PCDHGA4: variants seen among roughly 807,000 people sequenced by gnomAD.
PCDHGA4 encodes protocadherin gamma subfamily A, 4.
In PCDHGA4, 38 loss-of-function variants were observed where a neutral mutation model predicts 54.6. The ratio of observed to expected loss-of-function variants is 0.70; its 90% CI spans 0.54 to 0.91. PCDHGA4 has a LOEUF of 0.91. Among genes scored for constraint, PCDHGA4 ranks in the 40% least tolerant of loss-of-function variants. PCDHGA4 has a pLI of 0.00. For synonymous variants in PCDHGA4, 511 were observed against 512.9 expected, an observed-to-expected ratio of 1.00 and a Z score of 0.05; for missense variants, 1,298 against 1,220.9, an observed-to-expected ratio of 1.06 and a Z score of -0.94.
At chr5:141,364,276 T>C (rs1045557569) in intron 1 of PCDHGA4, 1 of 1,515,100 alleles carries the variant, frequency 6.6e-7, no homozygotes, top group Middle Eastern at 1.8e-4. Flanking sequence ...TTTAGATAAA[T>C]AAGGAAACAG....
chr5:141,388,572 G>A, intron 1 of PCDHGA4: 6 of 1,613,808 alleles, frequency 3.7e-6, no homozygotes, highest in South Asian at 2.2e-5. Flanking sequence ...ACAGATACAC[G>A]TTCTAGTGAC....
intron 1 of PCDHGA4, chr5:141,400,577 T>G: frequency 6.2e-7 from 1 of 1,611,914 alleles, no homozygotes; most frequent in East Asian, 2.2e-5. Flanking sequence ...TTTTCTGTAT[T>G]TACATGAAAC....
At chr5:141,418,878 A>G (rs1193526475) in intron 1 of PCDHGA4, 2 of 1,613,930 alleles carry the variant, frequency 1.2e-6, no homozygotes, top group Non-Finnish European at 8.5e-7. Context: ...GTTGTAGACG[A>G]AAACGACAAC....
chr5:141,401,189 A>G (rs2094126174), intron 1 of PCDHGA4, among the ~76,000 whole-genome samples: 1 of 152,144 alleles, frequency 6.6e-6, no homozygotes, highest in South Asian at 2.1e-4. Context: ...TAAAAATACA[A>G]AAATTAGCTG....
intron 1 of PCDHGA4, among the ~76,000 whole-genome samples, chr5:141,405,955 C>T (rs116457023): frequency 0.015 from 2,244 of 152,168 alleles, 22 homozygotes; most frequent in Admixed American, 0.035. Flanking sequence ...TAATAATTAA[C>T]CTGCTGTCAA....
At chr5:141,423,313 G>A (rs1407028245) in intron 1 of PCDHGA4, 3 of 1,614,184 alleles carry the variant, frequency 1.9e-6, no homozygotes, top group Non-Finnish European at 1.7e-6. Context: ...GTACTTGGTG[G>A]TGGCGGTGGC....
Position 141,427,844 on chromosome 5 carries a change from C to A in PCDHGA4, c.2515-66963C>A, listed in dbSNP as rs997069058. 6.5e-6 allele frequency: 10 copies of A among 1,550,194 alleles called. No homozygotes were observed. In the East Asian group the frequency reaches 2.2e-4, roughly 35 times the overall value. On this transcript the variant is annotated intron_variant, in intron 1 of 3. Transcript: ENST00000571252. ...TGGTCGCGCAGCGTGCCTTCGACCA[C>A]GAGCAGCTGTGCGCCTTCGAGCTCA...
intron 1 of PCDHGA4, chr5:141,375,342 T>C: frequency 6.2e-7 from 1 of 1,613,798 alleles, no homozygotes; most frequent in Non-Finnish European, 8.5e-7. Flanking sequence ...TTGTACAACA[T>C]CACTGTGACA....
intron 1 of PCDHGA4, among the ~76,000 whole-genome samples, chr5:141,448,422 T>C (rs1561930551): frequency 3.9e-5 from 6 of 152,150 alleles, no homozygotes; most frequent in Admixed American, 3.3e-4. Flanking sequence ...CAATATACTA[T>C]GTATATATTG....
chr5:141,384,768 G>C (rs1046016115), intron 1 of PCDHGA4: 4 of 1,613,804 alleles, frequency 2.5e-6, no homozygotes, highest in Non-Finnish European at 3.4e-6. Context: ...GGCTGTACAC[G>C]GGCGAGGTGC....
intron 1 of PCDHGA4, among the ~76,000 whole-genome samples, chr5:141,460,251 A>G (rs2098984972): frequency 6.6e-6 from 1 of 152,114 alleles, no homozygotes; most frequent in Admixed American, 6.6e-5. Context: ...TAATTTTGAT[A>G]AAGCCCAATT....
intron 1 of PCDHGA4, among the ~76,000 whole-genome samples, chr5:141,364,051 A>G (rs1322889725): frequency 6.6e-6 from 1 of 152,262 alleles, no homozygotes; most frequent in African/African-American, 2.4e-5. Flanking sequence ...ATTATTAGAA[A>G]TAAAATTATA....
intron 1 of PCDHGA4, among the ~76,000 whole-genome samples, chr5:141,457,124 ACT>A (rs1304231701): frequency 6.6e-6 from 1 of 152,158 alleles, no homozygotes; most frequent in Non-Finnish European, 1.5e-5. Context: ...AGCAATGGAA[ACT>A]CTGTCCAATA....
chr5:141,485,500 C>T lies in PCDHGA4; in HGVS notation c.2515-9307C>T. 1 of 1,614,142 alleles carries T rather than the reference C, an allele frequency of 6.2e-7. No homozygotes were observed. The highest frequency in any genetic ancestry group is 8.5e-7 in the Non-Finnish European group (1 of 1,180,038). ...GCTGCATCGTGCCCCTGGAGTTTGT[C>T]ACCGAAGGTCCTTTGGAAATGTACC... On this transcript the variant is annotated intron_variant, in intron 1 of 3. Coordinates refer to ENST00000571252, the MANE Select transcript of PCDHGA4 (RefSeq NM_018917.4). The surrounding 1 kb of genome is among the most constrained non-coding windows in gnomAD (Gnocchi z 5.7).
chr5:141,452,968 A>G (rs1028716079), intron 1 of PCDHGA4, among the ~76,000 whole-genome samples: 3 of 152,210 alleles, frequency 2.0e-5, no homozygotes, highest in Non-Finnish European at 4.4e-5. Flanking sequence ...AACTGAGGGT[A>G]TATTGTCAAA....
At chr5:141,423,880 G>A in intron 1 of PCDHGA4, 1 of 1,282,292 alleles carries the variant, frequency 7.8e-7, no homozygotes, top group Middle Eastern at 2.9e-4. Context: ...TTTCAATCTT[G>A]GCATATTTTC....
intron 1 of PCDHGA4, chr5:141,366,785 C>T: frequency 1.3e-6 from 2 of 1,576,144 alleles, no homozygotes; most frequent in Non-Finnish European, 8.6e-7. Flanking sequence ...ATGACCAGAA[C>T]ATTTTCATTT....
intron 1 of PCDHGA4, chr5:141,388,607 G>A (rs943233962): frequency 6.2e-7 from 1 of 1,613,904 alleles, no homozygotes; most frequent in Non-Finnish European, 8.5e-7. Context: ...ATGCTCCAGT[G>A]TTCAGTCAAG....
In PCDHGA4 at chr5:141,511,618, T is replaced by C. The variant is rs1227028784; in HGVS notation, c.*445T>C. 4.3e-6 allele frequency: 1 copy of C among 232,232 alleles called. No homozygotes were observed. Among genetic ancestry groups the C allele is most frequent in the East Asian group, 9.9e-5 (1 of 10,122 alleles). 14.4% of individuals were successfully genotyped at this position (232,232 alleles called of 1,614,324 possible). A position where few individuals can be genotyped will look rare whatever the true frequency, so the allele number is the denominator to read the frequency against. ...AAGTAACCTACAAGCCTCCTAGTTCTGAAAAGTTGGAAGGGCATCATGACC... is the reference window on the plus strand; with the variant it reads ...AAGTAACCTACAAGCCTCCTAGTTCCGAAAAGTTGGAAGGGCATCATGACC... On this transcript the variant is annotated 3_prime_UTR_variant, in exon 4 of 4. Transcript: ENST00000571252.
Sources: gnomAD v4.1 joint callset for allele counts (sites outside exome capture counted in the v4.1 genomes callset) on GRCh38, gnomAD v4.1.1 for gene constraint, Gnocchi (gnomAD v3.1) non-coding constraint, MANE v1.5 for transcripts, NCBI Gene and HGNC (gene_info 2026-07-23, HGNC 2026-07-21) for gene names.